JUP: variants seen among roughly 807,000 people sequenced by gnomAD.
The protein encoded by JUP is catenin (cadherin-associated protein), gamma 80kDa.
Under a neutral mutation model 71.1 loss-of-function variants are expected in JUP, and 28 were observed. The ratio of observed to expected loss-of-function variants is 0.39; its 90% confidence interval spans 0.29 to 0.54. The LOEUF is 0.54. JUP is among the 20% of genes least tolerant of loss of function. The pLI is 0.62. For missense variants in JUP, 869 were observed against 1,030.1 expected, an observed-to-expected ratio of 0.84 and a Z score of 2.14; for synonymous variants, 401 against 438.9, an observed-to-expected ratio of 0.91 and a Z score of 1.08.
intron 1 of JUP, chr17:41,785,988 G>T (rs1411310455): frequency 6.6e-6 from 1 of 152,244 alleles, no homozygotes; most frequent in African/African-American, 2.4e-5. Context: ...GGAGCTGGAG[G>T]GCAGGGCCTC....
intron 1 of JUP, among the ~76,000 whole-genome samples, chr17:41,782,036 C>T (rs1223094552): frequency 1.3e-5 from 2 of 152,182 alleles, no homozygotes; most frequent in African/African-American, 2.4e-5. Flanking sequence ...CTGGGGTCCC[C>T]GCCTGCCCTC....
chr17:41,761,491 T>C (rs782764666), intron 8 of JUP, among the ~76,000 whole-genome samples: 13 of 152,128 alleles, frequency 8.5e-5, no homozygotes, highest in Non-Finnish European at 1.5e-4. Flanking sequence ...ATGTGCTCCA[T>C]GGAGCAGCAC....
chr17:41,775,841 G>T, intron 1 of JUP: 1 of 308,758 alleles, frequency 3.2e-6, no homozygotes, highest in Non-Finnish European at 4.7e-6. Flanking sequence ...AGGCTAGACT[G>T]GGTGCACCCC....
intron 1 of JUP, chr17:41,772,231 G>A (rs952610495): frequency 5.4e-6 from 2 of 368,040 alleles, no homozygotes; most frequent in Non-Finnish European, 1.1e-5. Context: ...GGCAAGAGAA[G>A]GCACTCAGGG....
chr17:41,757,567 A>G lies in JUP; in HGVS notation c.1925-31T>C, dbSNP rs199836986. 2.2e-5 allele frequency: 36 copies of G among 1,614,046 alleles called. No homozygotes were observed. In the Admixed American group the frequency reaches 5.8e-4, roughly 26 times the overall value. On this transcript the variant is annotated intron_variant, in intron 11 of 13. Coordinates refer to ENST00000393931, the MANE Select transcript of JUP (RefSeq NM_002230.4). ...CAGAGAGGAAAGGAAAAGCCAGGTT[A>G]AACGTCGGCCAGCCTCCATCGTGGC... is the stretch of plus-strand genomic sequence containing the variant.
At chr17:41,758,639 C>G in intron 9 of JUP, 76 bp downstream of exon 9, 1 of 1,582,026 alleles carries the variant, frequency 6.3e-7, no homozygotes, top group Non-Finnish European at 8.6e-7. Flanking sequence ...AACTGACCTC[C>G]CCATTCACAC....
chr17:41,775,925 T>G, intron 1 of JUP: 18 of 980,342 alleles, frequency 1.8e-5, no homozygotes, highest in Non-Finnish European at 2.2e-5. Context: ...AATCCAAGAC[T>G]GACCTGGCAG....
chr17:41,765,333 G>C (rs1001149713), intron 5 of JUP, among the ~76,000 whole-genome samples: 1 of 151,778 alleles, frequency 6.6e-6, no homozygotes, highest in Non-Finnish European at 1.5e-5. Context: ...ACCACACCCA[G>C]CCAAGCACCC....
intron 1 of JUP, among the ~76,000 whole-genome samples, chr17:41,780,521 C>G (rs1488678047): frequency 6.6e-6 from 1 of 150,918 alleles, no homozygotes. Flanking sequence ...TAGTGACACC[C>G]CCATCTCTAC....
intron 8 of JUP, among the ~76,000 whole-genome samples, chr17:41,760,284 C>A (rs1426452713): frequency 6.6e-5 from 10 of 151,320 alleles, no homozygotes; most frequent in Non-Finnish European, 1.3e-4. Flanking sequence ...GAGACGGAGT[C>A]TCGCTCTGTC....
chr17:41,772,824 G>A, intron 1 of JUP: 2 of 985,478 alleles, frequency 2.0e-6, no homozygotes, highest in Non-Finnish European at 2.4e-6. Context: ...GCACCTGAAG[G>A]TTAATGAGTA....
Position 41,776,089 on chromosome 17 carries a change from G to T in JUP, c.-8-4227C>A, listed in dbSNP as rs891753173. 8.4e-6 allele frequency: 5 copies of T among 598,524 alleles called. No homozygotes were observed. In the African/African-American group the frequency reaches 1.0e-4, roughly 12 times the overall value. The allele number at this position is 598,524 out of a possible 1,614,324, so 37.1% of individuals were successfully genotyped here. ...AAGACACCTGGAAATAAGGACAGGA[G>T]TGGGTTACCCCAGAGGCCGTGCTGG... On this transcript the variant is annotated intron_variant, in intron 1 of 13. Transcript: ENST00000393931.
chr17:41,755,936 C>G (rs782653458), intron 13 of JUP, 41 bp from the exon 14 acceptor site: 10 of 1,583,846 alleles, frequency 6.3e-6, no homozygotes, highest in Non-Finnish European at 8.6e-6. Context: ...GGTCTGCAAG[C>G]TACCCTGCAG....
intron 13 of JUP, 111 bp from the exon 14 acceptor site, chr17:41,756,006 G>C (rs1913654930): frequency 1.5e-6 from 2 of 1,292,336 alleles, no homozygotes; most frequent in Non-Finnish European, 2.1e-6. Context: ...TGGTGGGCCT[G>C]ACCCCTCCCC....
chr17:41,767,343 G>A, intron 5 of JUP, 36 bp downstream of exon 5: 3 of 1,578,560 alleles, frequency 1.9e-6, no homozygotes, highest in Non-Finnish European at 2.6e-6. Flanking sequence ...GCGCAAGGGT[G>A]GGCTTCAGGC....
At chr17:41,779,541 G>A (rs370688384) in intron 1 of JUP, among the ~76,000 whole-genome samples, 1 of 151,934 alleles carries the variant, frequency 6.6e-6, no homozygotes, top group Admixed American at 6.6e-5. Flanking sequence ...TGTTAGCCAG[G>A]ATGGTCTCGA....
rs2143460147 is a variant in JUP at position 41,758,824 on chromosome 17, T to C, written c.1544A>G (p.His515Arg). Residue 515 changes from histidine (H) to arginine (R), a missense_variant, in exon 9 of 14, where the codon CAT becomes CGT. His to Arg is a conservative substitution (Grantham distance 29). Coordinates refer to ENST00000393931, the MANE Select transcript of JUP (RefSeq NM_002230.4). ...GACCGCTGCCTCCTGCAGCGGGGCA[T>C]GGTTGGCTGGGCACAGGGCCAGATT... ...IRNLALCPAN[H>R]APLQEAAVIP... 1 of 1,610,810 alleles carries C rather than the reference T, an allele frequency of 6.2e-7. No homozygotes were observed. Among genetic ancestry groups the C allele is most frequent in the Non-Finnish European group, 8.5e-7 (1 of 1,177,932 alleles).
rs1555601979 is a variant in JUP, at chr17:41,762,975, A to G, written c.1497+8T>C. On this transcript the variant is annotated splice_region_variant and intron_variant, in intron 8 of 13. Transcript: ENST00000393931. ...AGGGAGCTCCTTCCCCTCGCCTAACAGCAGTACCTTGACCAGTGGCCACTG... is the reference window on the plus strand; with the variant it reads ...AGGGAGCTCCTTCCCCTCGCCTAACGGCAGTACCTTGACCAGTGGCCACTG... The G allele has an allele frequency of 6.2e-7, 1 of 1,613,250 alleles. No homozygotes were observed. Among genetic ancestry groups the G allele is most frequent in the Admixed American group, 1.7e-5 (1 of 60,024 alleles).
intron 1 of JUP, among the ~76,000 whole-genome samples, chr17:41,781,741 C>T (rs992848060): frequency 2.0e-5 from 3 of 152,200 alleles, no homozygotes; most frequent in East Asian, 3.9e-4. Flanking sequence ...GCCTCCCTGC[C>T]GCACAGGATG....
Sources: gnomAD v4.1 joint callset for allele counts (sites outside exome capture counted in the v4.1 genomes callset) on GRCh38, gnomAD v4.1.1 for gene constraint, MANE v1.5 for transcripts, NCBI Gene and HGNC (gene_info 2026-07-23, HGNC 2026-07-21) for gene names.